The following SUGCT variants were observed in gnomAD, a reference collection of about 807,000 sequenced individuals.
SUGCT encodes succinyl-CoA:glutarate-CoA transferase.
In SUGCT, 41 loss-of-function variants were observed where a neutral mutation model predicts 55.0. The ratio of observed to expected loss-of-function variants is 0.74; its 90% CI spans 0.58 to 0.97. The LOEUF (loss-of-function observed/expected upper bound fraction) is 0.97. Among genes scored for constraint, SUGCT ranks in the 50% least tolerant of loss-of-function variants. The pLI is 0.00. For synonymous variants in SUGCT, 187 were observed against 200.4 expected (o/e 0.93, Z 0.56); for missense variants, 568 against 547.8 (o/e 1.04, Z -0.37).
At chr7:40,512,396 A>T (rs936283738) in intron 12 of SUGCT, among the ~76,000 whole-genome samples, 1 of 152,178 alleles carries the variant, frequency 6.6e-6, no homozygotes, top group Non-Finnish European at 1.5e-5. Context: ...TTTTTAAAAG[A>T]TTCTGCAAGG....
Position 40,560,258 on chromosome 7 carries a change from G to GTGCA in SUGCT, c.1089+63885_1089+63888dup, listed in dbSNP as rs1197962877. Reference sequence around the variant, plus strand: ...CATTTGGAAAGTGATACACACACATGTGCATGCATGCATGCACATATATAT... The same window carrying GTGCA: ...CATTTGGAAAGTGATACACACACATGTGCATGCATGCATGCATGCACATATATAT... On this transcript the variant is annotated intron_variant, in intron 12 of 13. Coordinates refer to ENST00000335693, the MANE Select transcript of SUGCT (RefSeq NM_001193313.2). Among the ~76,000 whole-genome samples the GTGCA allele has an allele frequency of 1.8e-4, 27 of 152,082 alleles. 3 individuals carry two copies. Among genetic ancestry groups the GTGCA allele is most frequent in the Admixed American group, 1.4e-3 (22 of 15,274 alleles).
chr7:40,647,516 A>G (rs1800580313), intron 12 of SUGCT, among the ~76,000 whole-genome samples: 1 of 152,170 alleles, frequency 6.6e-6, no homozygotes, highest in East Asian at 1.9e-4. Flanking sequence ...AAGCCCTATC[A>G]TATATCCAGC....
chr7:40,669,536 ATCTCAGCAAAGAAATGGAAAG>A (rs1801828848), intron 12 of SUGCT, among the ~76,000 whole-genome samples: 1 of 151,728 alleles, frequency 6.6e-6, no homozygotes, highest in Admixed American at 6.6e-5. Context: ...AATATAGAAA[ATCTCAGCAAAGAAATGGAAAG>A]TCTCAGCAAA....
At chr7:40,703,503 T>C (rs1785260768) in intron 12 of SUGCT, among the ~76,000 whole-genome samples, 1 of 152,146 alleles carries the variant, frequency 6.6e-6, no homozygotes, top group South Asian at 2.1e-4. Flanking sequence ...GACTGGAAGA[T>C]TGGAGGTACT....
chr7:40,708,466 T>C (rs1785536963), intron 12 of SUGCT, among the ~76,000 whole-genome samples: 1 of 152,216 alleles, frequency 6.6e-6, no homozygotes, highest in Non-Finnish European at 1.5e-5. Context: ...TACTGCTCTC[T>C]CCTTTTATCT....
chr7:40,334,098 A>C (rs933655316), intron 9 of SUGCT, among the ~76,000 whole-genome samples: 22 of 151,950 alleles, frequency 1.4e-4, no homozygotes, highest in African/African-American at 5.1e-4. Context: ...TTTTTTATGG[A>C]TGCATAGTAT....
At chr7:40,899,189 G>C in the SUGCT span, among the ~76,000 whole-genome samples, 4 of 152,158 alleles carry the variant, frequency 2.6e-5, no homozygotes, top group Non-Finnish European at 4.4e-5. Context: ...CACAGCTCTT[G>C]ACCTTTCTGA....
intron 6 of SUGCT, among the ~76,000 whole-genome samples, chr7:40,230,936 T>A (rs902387984): frequency 6.6e-6 from 1 of 152,228 alleles, no homozygotes; most frequent in Non-Finnish European, 1.5e-5. Flanking sequence ...TTCATAGAGT[T>A]GTTATATGAA....
chr7:40,934,756 G>C, the SUGCT span, among the ~76,000 whole-genome samples: 1 of 152,208 alleles, frequency 6.6e-6, no homozygotes, highest in South Asian at 2.1e-4. Context: ...CCAGGCACAA[G>C]AGAGAATCTC....
At chr7:40,423,498 T>C (rs570018800) in intron 9 of SUGCT, among the ~76,000 whole-genome samples, 1 of 152,264 alleles carries the variant, frequency 6.6e-6, no homozygotes, top group South Asian at 2.1e-4. Context: ...ACATAATTTT[T>C]AAAAATCTTT....
chr7:40,728,355 C>T (rs1786715247), intron 12 of SUGCT, among the ~76,000 whole-genome samples: 1 of 151,986 alleles, frequency 6.6e-6, no homozygotes, highest in African/African-American at 2.4e-5. Context: ...ACTGTCTCTA[C>T]TAAAAATACA....
chr7:40,439,068 A>ATATATGTG (rs1417774581), intron 9 of SUGCT, among the ~76,000 whole-genome samples: 617 of 34,432 alleles, frequency 0.018, 56 homozygotes, highest in African/African-American at 0.079. Flanking sequence ...TATGGTGTAT[A>ATATATGTG]TATATATATA....
intron 12 of SUGCT, among the ~76,000 whole-genome samples, chr7:40,512,245 T>C (rs1792970012): frequency 6.6e-6 from 1 of 152,224 alleles, no homozygotes. Context: ...CAATACTTGT[T>C]CTAAGACCTT....
At chr7:40,681,779 G>A (rs368163455) in intron 12 of SUGCT, among the ~76,000 whole-genome samples, 10 of 152,134 alleles carry the variant, frequency 6.6e-5, no homozygotes, top group African/African-American at 2.2e-4. Flanking sequence ...TTTGTGGCTG[G>A]TTCAGGACAT....
chr7:40,474,170 A>G (rs893423536), intron 11 of SUGCT, among the ~76,000 whole-genome samples: 2 of 152,186 alleles, frequency 1.3e-5, no homozygotes, highest in African/African-American at 4.8e-5. Flanking sequence ...ACTAAATGAC[A>G]CAGTTAATAG....
downstream of SUGCT, among the ~76,000 whole-genome samples, chr7:40,861,522 C>G (rs1669713575): frequency 6.6e-6 from 1 of 152,206 alleles, no homozygotes; most frequent in African/African-American, 2.4e-5. Context: ...ATGACCTCAA[C>G]TCCTGGCTGT....
chr7:40,485,417 C>CTTTTT lies in SUGCT; in HGVS notation c.987-10846_987-10842dup, dbSNP rs397889166. On this transcript the variant is annotated intron_variant, in intron 11 of 13. Transcript: ENST00000335693. ...AGGTATATATATATCTATATACATT[C>CTTTTT]TTTTTTTTTTTTTTTTTTTTTTTTT... Among the ~76,000 whole-genome samples the CTTTTT allele has an allele frequency of 1.4e-3, 102 of 74,432 alleles. 2 individuals carry two copies. Among genetic ancestry groups the CTTTTT allele is most frequent in the African/African-American group, 1.6e-3 (30 of 19,102 alleles). 48.8% of individuals were successfully genotyped at this position (74,432 alleles called of 152,430 possible).
chr7:40,790,614 G>C (rs972320176), intron 13 of SUGCT, among the ~76,000 whole-genome samples: 1 of 152,164 alleles, frequency 6.6e-6, no homozygotes, highest in African/African-American at 2.4e-5. Flanking sequence ...GAAATTATTT[G>C]CAGACAAATA....
At chr7:40,411,007 G>C (rs1379985656) in intron 9 of SUGCT, among the ~76,000 whole-genome samples, 1 of 152,034 alleles carries the variant, frequency 6.6e-6, no homozygotes, top group Non-Finnish European at 1.5e-5. Context: ...TATTCATCTT[G>C]GTAATTTTGT....
Sources: gnomAD v4.1 joint callset for allele counts (sites outside exome capture counted in the v4.1 genomes callset) on GRCh38, gnomAD v4.1.1 for gene constraint, MANE v1.5 for transcripts, NCBI Gene and HGNC (gene_info 2026-07-23, HGNC 2026-07-21) for gene names.